CAMTA1: variants seen among roughly 807,000 people sequenced by gnomAD.
The protein encoded by CAMTA1 is calmodulin-binding transcription activator 1.
CAMTA1 carries 27 observed loss-of-function variants against 170.9 expected under a neutral mutation model. The observed-to-expected ratio is 0.16, with a 90% CI of 0.12 to 0.22. The LOEUF is 0.22. Ranked by LOEUF, CAMTA1 falls within the 10% of genes least tolerant of loss-of-function variation. The probability of loss-of-function intolerance (pLI) is 1.00; values close to 1 mark genes in which losing one functional copy is unlikely to be tolerated. For synonymous variants in CAMTA1, 833 were observed against 891.5 expected (o/e 0.93, Z 1.17); for missense variants, 1,619 against 2,217.2 (o/e 0.73, Z 5.42).
chr1:7,281,133 C>T (rs1245136329), intron 5 of CAMTA1, among the ~76,000 whole-genome samples: 1 of 152,158 alleles, frequency 6.6e-6, no homozygotes, highest in Non-Finnish European at 1.5e-5. Flanking sequence ...CAAAGGGTAC[C>T]TCTATGTCTA....
At position 7,242,647 on chromosome 1, in the gene CAMTA1, AGCC is replaced by A. The variant is rs1665061858; in HGVS notation, c.303-6843_303-6841del. ...CACTTATGAAAAACTTGACCCCTTC[AGCC>A]AGGCGTGGTGGCTCACGCCTGTAAT... On this transcript the variant is annotated intron_variant, in intron 4 of 22. Transcript: ENST00000303635. 2.0e-5 allele frequency among the ~76,000 whole-genome samples: 3 copies of A among 152,186 alleles called. No homozygotes were observed. In the South Asian group the frequency reaches 6.2e-4, roughly 32 times the overall value.
intron 3 of CAMTA1, among the ~76,000 whole-genome samples, chr1:6,952,454 AAAG>A (rs1211041881): frequency 3.2e-4 from 49 of 151,026 alleles, no homozygotes; most frequent in Non-Finnish European, 5.5e-4. Context: ...AAAAAAAAAA[AAAG>A]AGATAACATA....
chr1:7,728,478 AGT>A, intron 11 of CAMTA1, among the ~76,000 whole-genome samples: 1 of 152,204 alleles, frequency 6.6e-6, no homozygotes, highest in African/African-American at 2.4e-5. Context: ...TTGGTTCCAG[AGT>A]GCTCTGGAAC....
intron 4 of CAMTA1, among the ~76,000 whole-genome samples, chr1:7,136,072 A>T (rs1031023608): frequency 6.6e-6 from 1 of 151,892 alleles, no homozygotes; most frequent in African/African-American, 2.4e-5. Context: ...CTTATTTTAA[A>T]TGTATGATCC....
intron 1 of CAMTA1, among the ~76,000 whole-genome samples, chr1:6,798,584 ATTTTTTTTTT>A (rs548325478): frequency 1.7e-5 from 2 of 117,612 alleles, no homozygotes; most frequent in African/African-American, 6.9e-5. Flanking sequence ...CACCTGGCTA[ATTTTTTTTTT>A]TTTTTTTTTT....
chr1:7,724,568 C>T (rs1255774284), intron 11 of CAMTA1, among the ~76,000 whole-genome samples: 2 of 152,124 alleles, frequency 1.3e-5, no homozygotes, highest in Non-Finnish European at 2.9e-5. Context: ...CGCGGTGGCT[C>T]ACGCCTGTAA....
At chr1:7,247,963 T>C (rs1467320669) in intron 4 of CAMTA1, among the ~76,000 whole-genome samples, 1 of 152,118 alleles carries the variant, frequency 6.6e-6, no homozygotes, top group East Asian at 1.9e-4. Context: ...GATACAGACT[T>C]AGGGAGGAAA....
intron 4 of CAMTA1, among the ~76,000 whole-genome samples, chr1:7,104,892 C>CT (rs1643425075): frequency 6.6e-6 from 1 of 152,096 alleles, no homozygotes; most frequent in Non-Finnish European, 1.5e-5. Flanking sequence ...ACTTTGAATT[C>CT]TTTTTTAGCT....
intron 6 of CAMTA1, among the ~76,000 whole-genome samples, chr1:7,474,558 G>A (rs1179412473): frequency 3.3e-5 from 5 of 152,186 alleles, no homozygotes; most frequent in African/African-American, 4.8e-5. Context: ...CGGAGAAAGC[G>A]TCTGTGACAT....
At chr1:7,292,486 C>T (rs1673292031) in intron 5 of CAMTA1, among the ~76,000 whole-genome samples, 1 of 152,156 alleles carries the variant, frequency 6.6e-6, no homozygotes, top group Non-Finnish European at 1.5e-5. Flanking sequence ...TTTGCTCCCC[C>T]AGCCTCGCCA....
At chr1:7,158,019 C>CGTG (rs1442222676) in intron 4 of CAMTA1, among the ~76,000 whole-genome samples, 1 of 152,034 alleles carries the variant, frequency 6.6e-6, no homozygotes, top group African/African-American at 2.4e-5. Context: ...ATTAGCCAGG[C>CGTG]GTGGTGGTGG....
chr1:7,137,799 G>T (rs964718028), intron 4 of CAMTA1, among the ~76,000 whole-genome samples: 6 of 152,064 alleles, frequency 3.9e-5, no homozygotes, highest in African/African-American at 1.2e-4. Flanking sequence ...ACCCTACAAA[G>T]AACAGGACCC....
intron 3 of CAMTA1, among the ~76,000 whole-genome samples, chr1:6,923,118 A>G (rs1682381146): frequency 1.3e-5 from 2 of 152,074 alleles, no homozygotes; most frequent in South Asian, 2.1e-4. Context: ...GACAGCATAA[A>G]CTCTCTGAAT....
chr1:7,067,229 C>T lies in CAMTA1; in HGVS notation c.235-24075C>T, dbSNP rs1185012229. The stretch of plus-strand genomic sequence containing the variant: ...GGCATGGAAAAGGTGGAAGAGTTAT[C>T]TCTGCTTCCTAGGGACGAAGGCCTC... On this transcript the variant is annotated intron_variant, in intron 3 of 22. Transcript: ENST00000303635. This position sits in a 1 kb window ranked among gnomAD's most constrained non-coding sequence, Gnocchi z 4.3. Among the ~76,000 whole-genome samples, 2 of 152,202 alleles carry T rather than the reference C, an allele frequency of 1.3e-5. No homozygotes were observed. Among genetic ancestry groups the T allele is most frequent in the East Asian group, 3.8e-4 (2 of 5,200 alleles).
intron 3 of CAMTA1, among the ~76,000 whole-genome samples, chr1:6,854,052 A>G (rs1004682240): frequency 1.7e-4 from 26 of 152,328 alleles, no homozygotes; most frequent in Non-Finnish European, 3.1e-4. Context: ...AACAAACTTG[A>G]CCTAATTGAA....
At chr1:6,968,287 C>T (rs1334008667) in intron 3 of CAMTA1, among the ~76,000 whole-genome samples, 3 of 152,190 alleles carry the variant, frequency 2.0e-5, no homozygotes, top group Non-Finnish European at 2.9e-5. Context: ...TTGCCCTCCG[C>T]TCTTTCTGTG....
At chr1:7,239,296 G>A (rs1189692381) in intron 4 of CAMTA1, among the ~76,000 whole-genome samples, 1 of 152,134 alleles carries the variant, frequency 6.6e-6, no homozygotes, top group Non-Finnish European at 1.5e-5. Flanking sequence ...CAACATTTCG[G>A]TTGTTTCACA....
At position 7,248,403 on chromosome 1, in the gene CAMTA1, T is replaced by C. The variant is rs887391466; in HGVS notation, c.303-1088T>C. On this transcript the variant is annotated intron_variant, in intron 4 of 22. Coordinates refer to ENST00000303635, the MANE Select transcript of CAMTA1 (RefSeq NM_015215.4). The surrounding 1 kb of genome is among the most constrained non-coding windows in gnomAD (Gnocchi z 4.0). ...AGAGCTCTCTGGCCGTGGCTGAGAGTGAGGTGGCAAGCCTGCACTGGCCTC... is the reference window on the plus strand; with the variant it reads ...AGAGCTCTCTGGCCGTGGCTGAGAGCGAGGTGGCAAGCCTGCACTGGCCTC... Among the ~76,000 whole-genome samples the C allele has an allele frequency of 5.3e-5, 8 of 152,092 alleles. No homozygotes were observed. Among genetic ancestry groups the C allele is most frequent in the Non-Finnish European group, 1.0e-4 (7 of 68,010 alleles).
chr1:7,000,981 G>C (rs142566682), intron 3 of CAMTA1, among the ~76,000 whole-genome samples: 1 of 152,104 alleles, frequency 6.6e-6, no homozygotes, highest in Non-Finnish European at 1.5e-5. Flanking sequence ...TTCCCACACC[G>C]ATAGGAAAAA....
Sources: allele counts gnomAD v4.1 joint callset (sites outside exome capture counted in the v4.1 genomes callset), GRCh38; gene constraint gnomAD v4.1.1; non-coding constraint Gnocchi (gnomAD v3.1); transcripts MANE v1.5; gene names NCBI Gene and HGNC (gene_info 2026-07-23, HGNC 2026-07-21).